The following NAALADL2 variants were observed in gnomAD, a reference collection of about 807,000 sequenced individuals.
NAALADL2 encodes the protein N-acetylated alpha-linked acidic dipeptidase like 2, also known as inactive N-acetylated-alpha-linked acidic dipeptidase-like protein 2.
In NAALADL2, 76 loss-of-function variants were observed where a neutral mutation model predicts 87.2. The ratio of observed to expected loss-of-function variants is 0.87; its 90% confidence interval spans 0.72 to 1.05. The LOEUF (loss-of-function observed/expected upper bound fraction) is 1.05. NAALADL2 is among the 50% of genes least tolerant of loss of function. The probability of loss-of-function intolerance (pLI) is 0.00; values close to 1 mark genes in which losing one functional copy is unlikely to be tolerated. For synonymous variants in NAALADL2, 354 were observed against 331.0 expected, an observed-to-expected ratio of 1.07 and a Z score of -0.75; for missense variants, 1,089 against 945.8, an observed-to-expected ratio of 1.15 and a Z score of -1.99.
chr3:175,209,520 A>G (rs1741447283), intron 2 of NAALADL2, among the ~76,000 whole-genome samples: 1 of 152,078 alleles, frequency 6.6e-6, no homozygotes, highest in South Asian at 2.1e-4. Flanking sequence ...AATGAGGAAT[A>G]ACAGTGCTTT....
rs561749410 is a variant in NAALADL2 at position 174,513,925 on chromosome 3, G to A, written c.-183-36644G>A. On this transcript the variant is annotated intron_variant, in intron 1 of 3. Transcript: ENST00000434257. ...TCATGTCTTGCCTTTGTTTAATTCA[G>A]TATTGCTGATGTCTTCTTTTTCTCT... Among the ~76,000 whole-genome samples, 160 of 152,212 alleles carry A rather than the reference G, an allele frequency of 1.1e-3. 1 individual carries two copies. The highest frequency in any genetic ancestry group is 1.9e-3 in the Admixed American group (29 of 15,288).
At chr3:175,654,328 T>C (rs903979024) in intron 11 of NAALADL2, among the ~76,000 whole-genome samples, 10 of 152,228 alleles carry the variant, frequency 6.6e-5, no homozygotes, top group Admixed American at 5.2e-4. Context: ...CTTGATTTTC[T>C]TGATGGCATC....
At chr3:174,525,447 A>T (rs2108425899) in intron 1 of NAALADL2, among the ~76,000 whole-genome samples, 1 of 152,296 alleles carries the variant, frequency 6.6e-6, no homozygotes, top group African/African-American at 2.4e-5. Flanking sequence ...GGGATGTCTC[A>T]GACTTGTAAA....
intron 1 of NAALADL2, among the ~76,000 whole-genome samples, chr3:175,036,050 A>G (rs1163611065): frequency 6.6e-6 from 1 of 152,200 alleles, no homozygotes; most frequent in Admixed American, 6.5e-5. Context: ...CAATTTTACT[A>G]GGTCAGTAAT....
chr3:174,878,975 A>G (rs1222388048), intron 1 of NAALADL2, among the ~76,000 whole-genome samples: 1 of 152,022 alleles, frequency 6.6e-6, no homozygotes, highest in Non-Finnish European at 1.5e-5. Flanking sequence ...TCTTTCTTCA[A>G]TCTCAGTACG....
At chr3:175,472,277 G>GA (rs1226499070) in intron 9 of NAALADL2, among the ~76,000 whole-genome samples, 2 of 151,882 alleles carry the variant, frequency 1.3e-5, no homozygotes, top group African/African-American at 4.8e-5. Flanking sequence ...TTAGTATCCT[G>GA]AAAAATCATA....
chr3:175,292,136 G>A (rs570414023), intron 4 of NAALADL2, among the ~76,000 whole-genome samples: 43 of 152,188 alleles, frequency 2.8e-4, no homozygotes, highest in African/African-American at 9.2e-4. Context: ...CTTTTGGTGC[G>A]TTTGTCATTT....
intron 13 of NAALADL2, among the ~76,000 whole-genome samples, chr3:175,795,716 TAAAA>T (rs556939443): frequency 6.7e-6 from 1 of 150,216 alleles, no homozygotes; most frequent in Non-Finnish European, 1.5e-5. Flanking sequence ...ATAAAATAAA[TAAAA>T]AAGAACAGAT....
intron 2 of NAALADL2, among the ~76,000 whole-genome samples, chr3:174,588,028 C>T (rs1716923606): frequency 6.6e-6 from 1 of 152,156 alleles, no homozygotes; most frequent in Non-Finnish European, 1.5e-5. Flanking sequence ...TAGATTTGTT[C>T]TTTTCACATA....
intron 3 of NAALADL2, among the ~76,000 whole-genome samples, chr3:175,238,572 A>G (rs1172833784): frequency 1.3e-5 from 2 of 152,172 alleles, no homozygotes; most frequent in African/African-American, 2.4e-5. Context: ...AGCACATGCT[A>G]TTGATACTCA....
At chr3:175,627,436 T>C (rs1727143860) in intron 11 of NAALADL2, 50 bp downstream of exon 11, 1 of 1,189,226 alleles carries the variant, frequency 8.4e-7, no homozygotes, top group African/African-American at 1.5e-5. Context: ...TGTTCTTCTT[T>C]ATTGGTAGAT....
At chr3:174,880,885 A>G (rs12489524) in intron 1 of NAALADL2, among the ~76,000 whole-genome samples, 26,796 of 152,084 alleles carry the variant, frequency 0.18, 2,509 homozygotes, top group East Asian at 0.3. Context: ...GGAAGAATCT[A>G]TATCATGCCC....
At chr3:175,390,593 G>T (rs990639397) in intron 5 of NAALADL2, among the ~76,000 whole-genome samples, 3 of 152,122 alleles carry the variant, frequency 2.0e-5, no homozygotes, top group African/African-American at 7.2e-5. Flanking sequence ...GTGAAGGAGA[G>T]GAAATGTGTG....
chr3:174,646,951 C>T (rs191627340), intron 2 of NAALADL2, among the ~76,000 whole-genome samples: 35 of 152,168 alleles, frequency 2.3e-4, no homozygotes, highest in Non-Finnish European at 4.9e-4. Flanking sequence ...CAGTATTCAC[C>T]AGTTTTTAAT....
At chr3:174,910,447 A>G (rs1465287955) in intron 1 of NAALADL2, among the ~76,000 whole-genome samples, 2 of 152,144 alleles carry the variant, frequency 1.3e-5, no homozygotes, top group East Asian at 3.8e-4. Flanking sequence ...TAAGGAAAAG[A>G]GAATAGTACT....
intron 10 of NAALADL2, among the ~76,000 whole-genome samples, chr3:175,614,245 G>T (rs1725041308): frequency 6.6e-6 from 1 of 152,144 alleles, no homozygotes; most frequent in Non-Finnish European, 1.5e-5. Context: ...TAGAGACCAG[G>T]TTTCACCATG....
intron 2 of NAALADL2, among the ~76,000 whole-genome samples, chr3:175,132,734 C>T (rs561049249): frequency 1.4e-4 from 20 of 148,044 alleles, no homozygotes; most frequent in Non-Finnish European, 2.1e-4. Context: ...TAGGGGTGGC[C>T]GGGCAGAGGC....
chr3:175,198,499 T>A (rs1055787864), intron 2 of NAALADL2, among the ~76,000 whole-genome samples: 1 of 152,042 alleles, frequency 6.6e-6, no homozygotes, highest in African/African-American at 2.4e-5. Context: ...AATATACAAA[T>A]ATATGAAATA....
At chr3:175,258,761 G>C (rs1049968605) in intron 4 of NAALADL2, among the ~76,000 whole-genome samples, 1 of 152,146 alleles carries the variant, frequency 6.6e-6, no homozygotes, top group African/African-American at 2.4e-5. Flanking sequence ...TGTGGGGGAC[G>C]TGATAGAATG....
Sources: allele counts gnomAD v4.1 joint callset (sites outside exome capture counted in the v4.1 genomes callset), GRCh38; gene constraint gnomAD v4.1.1; transcripts MANE v1.5; gene names NCBI Gene and HGNC (gene_info 2026-07-23, HGNC 2026-07-21).